Variants in SUGCT observed in about 807,000 individuals in gnomAD.
The protein encoded by SUGCT is succinyl-CoA:glutarate-CoA transferase, also known as succinyl-CoA:glutarate CoA-transferase.
In SUGCT, 41 loss-of-function variants were observed where a neutral mutation model predicts 55.0. That is an observed-to-expected ratio of 0.74 (90% CI 0.58 to 0.97). SUGCT has a LOEUF of 0.97. Among genes scored for constraint, SUGCT ranks in the 50% least tolerant of loss-of-function variants. The pLI, the probability that SUGCT is intolerant of heterozygous loss-of-function variation, is 0.00. For synonymous variants in SUGCT, 187 were observed against 200.4 expected (o/e 0.93, Z 0.56); for missense variants, 568 against 547.8 (o/e 1.04, Z -0.37).
the SUGCT span, among the ~76,000 whole-genome samples, chr7:41,005,873 C>G: frequency 6.6e-6 from 1 of 152,188 alleles, no homozygotes; most frequent in Non-Finnish European, 1.5e-5. Flanking sequence ...TGTAAGTACT[C>G]CCATTTTGGG....
rs891061337 is a variant in SUGCT, at chr7:40,289,044, C to T, written c.720+14388C>T. On this transcript the variant is annotated intron_variant, in intron 8 of 13. Transcript: ENST00000335693. Reference sequence around the variant, plus strand: ...CACTACTATGTCTCTTTCCTCCTTCCGTATTATCACCTGTGGTAGGCTGAA... The same window carrying T: ...CACTACTATGTCTCTTTCCTCCTTCTGTATTATCACCTGTGGTAGGCTGAA... Among the ~76,000 whole-genome samples the T allele has an allele frequency of 1.3e-4, 20 of 152,236 alleles. No individual in the cohort carries two copies. In the South Asian group the frequency reaches 1.9e-3, roughly 14 times the overall value.
chr7:40,201,215 A>G (rs1786583801), intron 6 of SUGCT, among the ~76,000 whole-genome samples: 1 of 152,056 alleles, frequency 6.6e-6, no homozygotes, highest in Non-Finnish European at 1.5e-5. Flanking sequence ...GAAGGAGGGA[A>G]TGAAGAAAGG....
chr7:40,809,769 C>T (rs1385652774), intron 13 of SUGCT, among the ~76,000 whole-genome samples: 1 of 152,102 alleles, frequency 6.6e-6, no homozygotes, highest in African/African-American at 2.4e-5. Flanking sequence ...TTTTTTAGCC[C>T]TTGTCAACCT....
intron 8 of SUGCT, among the ~76,000 whole-genome samples, chr7:40,295,296 G>A (rs551320635): frequency 1.3e-5 from 2 of 152,124 alleles, no homozygotes; most frequent in South Asian, 4.2e-4. Flanking sequence ...AACTCACAGG[G>A]TAGGTGTGGT....
intron 13 of SUGCT, among the ~76,000 whole-genome samples, chr7:40,797,254 C>T (rs531618038): frequency 3.1e-4 from 47 of 152,128 alleles, no homozygotes; most frequent in Non-Finnish European, 6.3e-4. Flanking sequence ...ATAGCAATAG[C>T]TCCAAGTTGA....
At chr7:40,627,578 A>C (rs1799580271) in intron 12 of SUGCT, among the ~76,000 whole-genome samples, 1 of 151,990 alleles carries the variant, frequency 6.6e-6, no homozygotes, top group East Asian at 1.9e-4. Context: ...GGTTGCAGAC[A>C]GCAGGCTGAA....
At chr7:40,335,789 A>G (rs1436354026) in intron 9 of SUGCT, among the ~76,000 whole-genome samples, 2 of 152,150 alleles carry the variant, frequency 1.3e-5, no homozygotes, top group South Asian at 2.1e-4. Flanking sequence ...ACTATGTTGA[A>G]TAGGAGTGGT....
At chr7:40,581,664 A>G (rs1247997426) in intron 12 of SUGCT, among the ~76,000 whole-genome samples, 1 of 152,204 alleles carries the variant, frequency 6.6e-6, no homozygotes, top group Admixed American at 6.5e-5. Context: ...TTCCCCTGAT[A>G]TCTATCAAAG....
At chr7:40,528,105 G>C (rs1403829106) in intron 12 of SUGCT, among the ~76,000 whole-genome samples, 1 of 152,034 alleles carries the variant, frequency 6.6e-6, no homozygotes, top group Non-Finnish European at 1.5e-5. Flanking sequence ...TTCCTAATTT[G>C]TAAAATGAAG....
intron 9 of SUGCT, among the ~76,000 whole-genome samples, chr7:40,443,357 T>C (rs1050055333): frequency 3.9e-5 from 6 of 152,248 alleles, no homozygotes; most frequent in African/African-American, 9.6e-5. Context: ...AAAGTGCTCC[T>C]ATTTCTCCAC....
intron 8 of SUGCT, among the ~76,000 whole-genome samples, chr7:40,293,155 A>G (rs1289061603): frequency 6.6e-6 from 1 of 152,270 alleles, no homozygotes; most frequent in African/African-American, 2.4e-5. Flanking sequence ...TGTTTATACC[A>G]TACTTAAGAT....
At chr7:40,155,005 G>A (rs1691278338) in intron 1 of SUGCT, among the ~76,000 whole-genome samples, 1 of 152,210 alleles carries the variant, frequency 6.6e-6, no homozygotes, top group Non-Finnish European at 1.5e-5. Flanking sequence ...AAACAGCAGA[G>A]GCAGGGCGTG....
chr7:40,544,608 A>G (rs930131400), intron 12 of SUGCT, among the ~76,000 whole-genome samples: 7 of 152,110 alleles, frequency 4.6e-5, no homozygotes, highest in African/African-American at 1.7e-4. Context: ...GAGGCTGTCA[A>G]TTTTCCCTTG....
intron 12 of SUGCT, among the ~76,000 whole-genome samples, chr7:40,669,718 C>G (rs1019121855): frequency 2.0e-5 from 3 of 150,436 alleles, no homozygotes; most frequent in African/African-American, 7.3e-5. Context: ...AATCAGTAAA[C>G]TTGAAGATAG....
chr7:40,598,494 T>A (rs1327146829), intron 12 of SUGCT, among the ~76,000 whole-genome samples: 1 of 152,136 alleles, frequency 6.6e-6, no homozygotes, highest in Non-Finnish European at 1.5e-5. Flanking sequence ...ATAGAGGTGA[T>A]AATTGTTCTG....
the SUGCT span, among the ~76,000 whole-genome samples, chr7:40,961,213 G>T: frequency 6.6e-6 from 1 of 152,180 alleles, no homozygotes; most frequent in African/African-American, 2.4e-5. Context: ...TTTACCAAAT[G>T]CAATTTAACT....
chr7:40,939,785 T>C, the SUGCT span, among the ~76,000 whole-genome samples: 32 of 152,278 alleles, frequency 2.1e-4, no homozygotes, highest in African/African-American at 7.7e-4. Flanking sequence ...TATTAGTCCT[T>C]TTTTGGATGC....
In SUGCT at chr7:40,423,852, T is replaced by A. The variant is rs370110539; in HGVS notation, c.817-25435T>A. Among the ~76,000 whole-genome samples, 80 of 152,248 alleles carry A rather than the reference T, an allele frequency of 5.3e-4. 1 individual carries two copies. The South Asian group carries it at 0.013, about 25-fold the overall frequency. On this transcript the variant is annotated intron_variant, in intron 9 of 13. Coordinates refer to ENST00000335693, the MANE Select transcript of SUGCT (RefSeq NM_001193313.2). ...CAACATCAAGGGGTTTATTTGGAAT[T>A]AAGGTTTATCATAAACTTTATGATA...
intron 9 of SUGCT, among the ~76,000 whole-genome samples, chr7:40,395,058 C>A (rs1037862328): frequency 4.6e-5 from 7 of 152,086 alleles, no homozygotes; most frequent in Non-Finnish European, 7.4e-5. Context: ...ATTTTACTCC[C>A]AACCATTAGA....
Sources: gnomAD v4.1 joint callset for allele counts (sites outside exome capture counted in the v4.1 genomes callset) on GRCh38, gnomAD v4.1.1 for gene constraint, MANE v1.5 for transcripts, NCBI Gene and HGNC (gene_info 2026-07-23, HGNC 2026-07-21) for gene names.